ZFYVE26: variants seen among roughly 807,000 people sequenced by gnomAD.
The protein encoded by ZFYVE26 is zinc finger FYVE domain-containing protein 26.
In ZFYVE26, 181 loss-of-function variants were observed where a neutral mutation model predicts 276.5. The ratio of observed to expected loss-of-function variants is 0.65; its 90% CI spans 0.58 to 0.74. The LOEUF is 0.74. Among genes scored for constraint, ZFYVE26 ranks in the 30% least tolerant of loss-of-function variants. The probability of loss-of-function intolerance (pLI) is 0.00; values close to 1 mark genes in which losing one functional copy is unlikely to be tolerated. For synonymous variants in ZFYVE26, 1,129 were observed against 1,203.1 expected, an observed-to-expected ratio of 0.94 and a Z score of 1.27; for missense variants, 2,821 against 3,097.9, an observed-to-expected ratio of 0.91 and a Z score of 2.12.
intron 13 of ZFYVE26, chr14:67,733,925 A>C: frequency 9.2e-7 from 1 of 1,085,924 alleles, no homozygotes; most frequent in Non-Finnish European, 1.4e-6. Context: ...GCCAACCCTA[A>C]AGGATTGTCC....
At chr14:67,758,227 T>G (rs967680368) in intron 35 of ZFYVE26, among the ~76,000 whole-genome samples, 1 of 152,134 alleles carries the variant, frequency 6.6e-6, no homozygotes, top group African/African-American at 2.4e-5. Flanking sequence ...ACATTCATAG[T>G]GGGTGAGGGT....
At position 67,802,279 on chromosome 14, in the gene ZFYVE26, G is replaced by A. The variant is rs774822794; in HGVS notation, c.1439C>T (p.Ala480Val). 2 of 1,613,942 alleles carry A rather than the reference G, an allele frequency of 1.2e-6. No homozygotes were observed. Among genetic ancestry groups the A allele is most frequent in the Non-Finnish European group, 1.7e-6 (2 of 1,179,972 alleles). The change falls in exon 10 of 42, where the codon GCA becomes GTA. Residue 480 changes from alanine to valine, a missense_variant. Coordinates refer to ENST00000347230, the MANE Select transcript of ZFYVE26 (RefSeq NM_015346.4). ...PAKDPQQEPD[A>V]VDAPVPEHLS... Reference sequence around the variant, plus strand: ...GTGCTCAGGGACTGGAGCATCAACTGCATCTGAATTACAAAGAGAAACAGG... The same window carrying A: ...GTGCTCAGGGACTGGAGCATCAACTACATCTGAATTACAAAGAGAAACAGG...
intron 27 of ZFYVE26, among the ~76,000 whole-genome samples, chr14:67,772,997 C>T (rs980283967): frequency 5.9e-5 from 9 of 151,990 alleles, no homozygotes; most frequent in African/African-American, 1.9e-4. Flanking sequence ...GATATTTCAC[C>T]AAATGCCATG....
At position 67,729,573 on chromosome 14, in the gene ZFYVE26, T is replaced by C. The variant is rs895990995; in HGVS notation, n.2926A>G. On this transcript the variant is annotated non_coding_transcript_exon_variant, in exon 14 of 15. Transcript: ENST00000394455. ...AAACTTATGTGTTGGGAAGAGTTGC[T>C]TTTCTGGCTTTATTTTATACTCGTG... The C allele has an allele frequency of 2.6e-4, 172 of 653,936 alleles. No homozygotes were observed. The African/African-American group carries it at 2.9e-3, about 11-fold the overall frequency. The allele number at this position is 653,936 out of a possible 1,614,324, so 40.5% of individuals were successfully genotyped here. A position where few individuals can be genotyped will look rare whatever the true frequency, so the allele number is the denominator to read the frequency against.
downstream of ZFYVE26, among the ~76,000 whole-genome samples, chr14:67,744,614 C>T (rs1423453532): frequency 6.6e-6 from 1 of 152,088 alleles, no homozygotes; most frequent in African/African-American, 2.4e-5. Context: ...CTCCCTGTCT[C>T]CATGTGTTAT....
chr14:67,770,738 C>T (rs2039187883), intron 28 of ZFYVE26, among the ~76,000 whole-genome samples: 1 of 152,144 alleles, frequency 6.6e-6, no homozygotes, highest in Non-Finnish European at 1.5e-5. Context: ...TAAAGGCCAA[C>T]TGTTGTCATT....
chr14:67,735,422 CT>C, intron 13 of ZFYVE26: 1 of 640,120 alleles, frequency 1.6e-6, no homozygotes, highest in Non-Finnish European at 2.8e-6. Flanking sequence ...AAGTTAACAT[CT>C]GAGCAAGTGA....
In ZFYVE26 at chr14:67,805,391, C is replaced by A. The variant is rs944760944; in HGVS notation, c.1182+63G>T. On this transcript the variant is annotated intron_variant, in intron 7 of 41. Coordinates refer to ENST00000347230, the MANE Select transcript of ZFYVE26 (RefSeq NM_015346.4). The stretch of plus-strand genomic sequence containing the variant: ...ACTGATTTTAGGGCTCTGCATTCAG[C>A]CTAAGCCCGAAGCCCCACGTCTCTC... 4 of 1,613,460 alleles carry A rather than the reference C, an allele frequency of 2.5e-6. No homozygotes were observed. In the Admixed American group the frequency reaches 6.7e-5, roughly 27 times the overall value.
rs931937723 is a variant in ZFYVE26, at chr14:67,805,332, A to G, written c.1183-27T>C. The G allele has an allele frequency of 8.1e-6, 13 of 1,613,830 alleles. No homozygotes were observed. In the Admixed American group the frequency reaches 1.0e-4, roughly 12 times the overall value. ...TATGTTGATATGGGAGAAGAAAGAG[A>G]TGCTGACTCAGGCACCTGGGGTTAC... On this transcript the variant is annotated intron_variant, in intron 7 of 41. Coordinates refer to ENST00000347230, the MANE Select transcript of ZFYVE26 (RefSeq NM_015346.4).
chr14:67,748,707 A>G (rs1170156333), intron 41 of ZFYVE26, 68 bp from the exon 42 acceptor site: 2 of 1,559,928 alleles, frequency 1.3e-6, no homozygotes, highest in East Asian at 4.6e-5. Flanking sequence ...ACAGAGCTGC[A>G]GCAGAAAGCT....
intron 10 of ZFYVE26, 126 bp from the exon 11 acceptor site, chr14:67,798,748 T>C (rs2040015391): frequency 1.6e-6 from 2 of 1,234,794 alleles, no homozygotes; most frequent in Middle Eastern, 2.4e-4. Context: ...TTTTTAATTA[T>C]AAGGGAACTG....
exon 14 of ZFYVE26, chr14:67,729,782 T>C: frequency 2.0e-6 from 1 of 501,618 alleles, no homozygotes; most frequent in Non-Finnish European, 4.0e-6. Flanking sequence ...CTCTTCGGTG[T>C]GAACTCTGTC....
At chr14:67,808,099 A>G (rs1025221689) in intron 4 of ZFYVE26, among the ~76,000 whole-genome samples, 179 bp from the exon 5 acceptor site, 4 of 152,170 alleles carry the variant, frequency 2.6e-5, no homozygotes, top group African/African-American at 9.7e-5. Flanking sequence ...GAAAAATCAA[A>G]TTAATCCTTA....
rs769295045 is a variant in ZFYVE26, at chr14:67,789,531, G to A, written c.2823C>T (p.Pro941=). Residue 941 remains proline (P), a synonymous_variant, in exon 16 of 42, where the codon CCC becomes CCT. Coordinates refer to ENST00000347230, the MANE Select transcript of ZFYVE26 (RefSeq NM_015346.4). Reference sequence around the variant, plus strand: ...TTATCCAAAAGTCCTCCTGGAGCATGGGGATGGGGTCTCCAGAGGTGTTGA... The same window carrying A: ...TTATCCAAAAGTCCTCCTGGAGCATAGGGATGGGGTCTCCAGAGGTGTTGA... ...KLLNTSGDPI[P]MLQEDFWIST... 44 of 1,614,046 alleles carry A rather than the reference G, an allele frequency of 2.7e-5. No homozygotes were observed. In the Admixed American group the frequency reaches 5.2e-4, roughly 19 times the overall value.
intron 16 of ZFYVE26, among the ~76,000 whole-genome samples, chr14:67,788,014 T>C (rs746973007): frequency 6.6e-6 from 1 of 152,186 alleles, no homozygotes; most frequent in Admixed American, 6.6e-5. Flanking sequence ...TGGTTTATGC[T>C]GAACACCTGC....
chr14:67,773,017 G>A (rs2039253681), intron 27 of ZFYVE26, among the ~76,000 whole-genome samples: 1 of 152,068 alleles, frequency 6.6e-6, no homozygotes, highest in Admixed American at 6.6e-5. Context: ...GCCATGTATG[G>A]ACATTATTTA....
chr14:67,731,051 T>C (rs2038264778), intron 13 of ZFYVE26, among the ~76,000 whole-genome samples: 1 of 152,164 alleles, frequency 6.6e-6, no homozygotes, highest in Non-Finnish European at 1.5e-5. Context: ...GTGGGTTAAA[T>C]AAAGTACATA....
rs17104654 is a variant in ZFYVE26 at position 67,780,486 on chromosome 14, A to G, written c.4570-141T>C. The G allele has an allele frequency of 2.8e-3, 2,139 of 757,036 alleles. 28 individuals are homozygous for G. The African/African-American group carries it at 0.033, about 12-fold the overall frequency. 46.9% of individuals were successfully genotyped at this position (757,036 alleles called of 1,614,324 possible). On this transcript the variant is annotated intron_variant, in intron 22 of 41. Transcript: ENST00000347230. Reference sequence around the variant, plus strand: ...GTCAGAACTTGCCAGAAAAGAGAGCAAATTGGGCAAAGATTATTTAGAGAG... The same window carrying G: ...GTCAGAACTTGCCAGAAAAGAGAGCGAATTGGGCAAAGATTATTTAGAGAG...
In ZFYVE26 at chr14:67,804,283, A is replaced by G; in HGVS notation, c.1272-19T>C. On this transcript the variant is annotated intron_variant, in intron 8 of 41. Transcript: ENST00000347230. ...GGGGTTGCTGAATGGAAAAGTTGGG[A>G]GGATGGAAGAGAGGCAGTTTATATT... The G allele has an allele frequency of 6.2e-7, 1 of 1,614,010 alleles. No individual in the cohort carries two copies. The highest frequency in any genetic ancestry group is 8.5e-7 in the Non-Finnish European group (1 of 1,179,908).
Sources: gnomAD v4.1 joint callset for allele counts (sites outside exome capture counted in the v4.1 genomes callset) on GRCh38, gnomAD v4.1.1 for gene constraint, MANE v1.5 for transcripts, NCBI Gene and HGNC (gene_info 2026-07-23, HGNC 2026-07-21) for gene names.